Variants in C1orf21 observed in about 807,000 individuals in gnomAD.
C1orf21 encodes the protein chromosome 1 open reading frame 21, also known as uncharacterized protein C1orf21.
In C1orf21, 3 loss-of-function variants were observed where a neutral mutation model predicts 18.7. The observed-to-expected ratio is 0.16, with a 90% CI of 0.07 to 0.42. The LOEUF is 0.42. Ranked by LOEUF, C1orf21 falls within the 10% of genes least tolerant of loss-of-function variation. The pLI, the probability that C1orf21 is intolerant of heterozygous loss-of-function variation, is 0.99. For missense variants in C1orf21, 104 were observed against 143.6 expected (o/e 0.72, Z 1.41); for synonymous variants, 41 against 46.4 (o/e 0.88, Z 0.47).
At chr1:184,410,652 T>TA (rs1314299171) in intron 1 of C1orf21, among the ~76,000 whole-genome samples, 2 of 7,144 alleles carry the variant, frequency 2.8e-4, no homozygotes, top group Non-Finnish European at 4.2e-4. Context: ...TATATATATA[T>TA]ATATATATAT....
At chr1:184,541,720 G>A (rs1263088589) in intron 3 of C1orf21, among the ~76,000 whole-genome samples, 1 of 152,214 alleles carries the variant, frequency 6.6e-6, no homozygotes, top group Admixed American at 6.5e-5. Context: ...CTTTCAGAGT[G>A]GACCTGGCAC....
Position 184,567,081 on chromosome 1 carries a change from ACAGT to A in C1orf21, c.190-23654_190-23651del, listed in dbSNP as rs1158498642. ...CATCTGAAAAACATCCTTGAGAAAGACAGTCAGGTGGCACAGTACTATGAAGTAT... is the reference window on the plus strand; with the variant it reads ...CATCTGAAAAACATCCTTGAGAAAGACAGGTGGCACAGTACTATGAAGTAT... On this transcript the variant is annotated intron_variant, in intron 3 of 5. Transcript: ENST00000235307. 3 of 488,280 alleles carry A rather than the reference ACAGT, an allele frequency of 6.1e-6. No homozygotes were observed. In the Admixed American group the frequency reaches 6.5e-5, roughly 11 times the overall value. The allele number at this position is 488,280 out of a possible 1,614,324, so 30.2% of individuals were successfully genotyped here.
Position 184,622,786 on chromosome 1 carries a change from T to G in C1orf21, c.*3230T>G, listed in dbSNP as rs749568692. ...TTAGCAAAGACGGACCCAGGAGGAG[T>G]GCTGGTTCTTCAGTCTTTGTACTGG... is the stretch of plus-strand genomic sequence containing the variant. On this transcript the variant is annotated 3_prime_UTR_variant, in exon 6 of 6. Transcript: ENST00000235307. 4 of 151,946 alleles carry G rather than the reference T, an allele frequency of 2.6e-5. No individual in the cohort carries two copies. Among genetic ancestry groups the G allele is most frequent in the Non-Finnish European group, 4.4e-5 (3 of 67,990 alleles). The allele number at this position is 151,946 out of a possible 1,614,324, so 9.4% of individuals were successfully genotyped here. A position where few individuals can be genotyped will look rare whatever the true frequency, so the allele number is the denominator to read the frequency against.
chr1:184,519,829 C>A (rs7513091), intron 3 of C1orf21, among the ~76,000 whole-genome samples: 2 of 151,932 alleles, frequency 1.3e-5, no homozygotes, highest in African/African-American at 2.4e-5. Context: ...CTCTTCCTGT[C>A]GACTTCATTT....
At chr1:184,426,787 T>A (rs964598794) in intron 1 of C1orf21, among the ~76,000 whole-genome samples, 3 of 152,166 alleles carry the variant, frequency 2.0e-5, no homozygotes, top group Non-Finnish European at 2.9e-5. Flanking sequence ...AGGGACCTTG[T>A]CTGTCTAACC....
At chr1:184,416,918 A>C (rs1557966880) in intron 1 of C1orf21, among the ~76,000 whole-genome samples, 1 of 152,344 alleles carries the variant, frequency 6.6e-6, no homozygotes, top group South Asian at 2.1e-4. Context: ...TAAAACAAAA[A>C]TTGGTCACAC....
chr1:184,531,703 T>C (rs1658464936), intron 3 of C1orf21, among the ~76,000 whole-genome samples: 1 of 152,188 alleles, frequency 6.6e-6, no homozygotes, highest in African/African-American at 2.4e-5. Context: ...GTGTTTATCA[T>C]ATGGAAGCCG....
chr1:184,550,536 T>C (rs1658796738), intron 3 of C1orf21, among the ~76,000 whole-genome samples: 1 of 152,092 alleles, frequency 6.6e-6, no homozygotes, highest in Non-Finnish European at 1.5e-5. Flanking sequence ...CTTTGTTTGT[T>C]TGTTTGTTTG....
intron 4 of C1orf21, among the ~76,000 whole-genome samples, chr1:184,594,674 CCTT>C (rs1335370736): frequency 6.6e-6 from 1 of 152,180 alleles, no homozygotes; most frequent in Non-Finnish European, 1.5e-5. Context: ...AGTTTCATCT[CCTT>C]CTTTCAGGAA....
chr1:184,598,786 C>T (rs774051326), intron 5 of C1orf21, among the ~76,000 whole-genome samples: 27 of 152,172 alleles, frequency 1.8e-4, no homozygotes, highest in Non-Finnish European at 1.6e-4. Context: ...CACTAACCTC[C>T]GACTGCAAGG....
intron 3 of C1orf21, among the ~76,000 whole-genome samples, chr1:184,507,965 G>T (rs189444781): frequency 3.3e-5 from 5 of 152,218 alleles, no homozygotes; most frequent in Admixed American, 3.3e-4. Flanking sequence ...GTAGGATTGA[G>T]GTTTGTGAGG....
At chr1:184,541,618 A>C (rs979970867) in intron 3 of C1orf21, among the ~76,000 whole-genome samples, 1 of 152,252 alleles carries the variant, frequency 6.6e-6, no homozygotes, top group Admixed American at 6.5e-5. Flanking sequence ...AGATCTCATC[A>C]TGGTCCTCTG....
chr1:184,486,852 TTCAGAGACCATTG>T (rs1400124649), intron 2 of C1orf21, among the ~76,000 whole-genome samples: 2 of 152,196 alleles, frequency 1.3e-5, no homozygotes, highest in African/African-American at 4.8e-5. Flanking sequence ...CACCTGAGTT[TTCAGAGACCATTG>T]GCAGGGACAC....
At chr1:184,389,655 A>C (rs573396197) in intron 1 of C1orf21, among the ~76,000 whole-genome samples, 27 of 152,348 alleles carry the variant, frequency 1.8e-4, no homozygotes, top group Admixed American at 1.7e-3. Flanking sequence ...CAAGTGAATC[A>C]TGCCTCAGTA....
intron 3 of C1orf21, 121 bp from the exon 4 acceptor site, chr1:184,590,618 G>C: frequency 2.2e-6 from 2 of 910,436 alleles, no homozygotes; most frequent in Non-Finnish European, 1.7e-6. Context: ...GCCCTTGTGA[G>C]GTAACCAGCC....
chr1:184,567,302 GTCT>G, intron 3 of C1orf21: 1 of 473,106 alleles, frequency 2.1e-6, no homozygotes, highest in South Asian at 1.7e-5. Context: ...TCCTGGAGCA[GTCT>G]GTGACTTGAC....
At chr1:184,618,533 A>G (rs575869141) in intron 5 of C1orf21, among the ~76,000 whole-genome samples, 8 of 152,208 alleles carry the variant, frequency 5.3e-5, no homozygotes, top group Non-Finnish European at 1.2e-4. Flanking sequence ...TAATGTGACC[A>G]AAAAACATGT....
At chr1:184,480,087 G>A (rs1366011964) in intron 2 of C1orf21, among the ~76,000 whole-genome samples, 3 of 152,130 alleles carry the variant, frequency 2.0e-5, no homozygotes, top group South Asian at 2.1e-4. Context: ...CCAAATGCCC[G>A]AAGAGGAAAA....
At chr1:184,587,917 G>A (rs908877593) in intron 3 of C1orf21, among the ~76,000 whole-genome samples, 5 of 151,972 alleles carry the variant, frequency 3.3e-5, no homozygotes, top group African/African-American at 9.7e-5. Context: ...GCCCAGCCAC[G>A]GTATACATTG....
Sources: allele counts gnomAD v4.1 joint callset (sites outside exome capture counted in the v4.1 genomes callset), GRCh38; gene constraint gnomAD v4.1.1; transcripts MANE v1.5; gene names NCBI Gene and HGNC (gene_info 2026-07-23, HGNC 2026-07-21).